The following WIPF2 variants were observed in gnomAD, a reference collection of about 807,000 sequenced individuals.
The protein encoded by WIPF2 is WAS/WASL interacting protein family member 2, also known as WAS/WASL-interacting protein family member 2.
Under a neutral mutation model 38.8 loss-of-function variants are expected in WIPF2, and 23 were observed. The ratio of observed to expected loss-of-function variants is 0.59; its 90% CI spans 0.43 to 0.84. The LOEUF (loss-of-function observed/expected upper bound fraction) is 0.84, where lower values mean the gene tolerates loss of function less well. Among genes scored for constraint, WIPF2 ranks in the 40% least tolerant of loss-of-function variants. The pLI is 0.00. For synonymous variants in WIPF2, 210 were observed against 223.2 expected, an observed-to-expected ratio of 0.94 and a Z score of 0.53; for missense variants, 574 against 580.5, an observed-to-expected ratio of 0.99 and a Z score of 0.11.
At chr17:40,254,708 G>A (rs753022508) in intron 1 of WIPF2, among the ~76,000 whole-genome samples, 2 of 151,852 alleles carry the variant, frequency 1.3e-5, no homozygotes, top group South Asian at 2.1e-4. Context: ...GCCTGTTTTT[G>A]TATGGCCCAT....
chr17:40,235,359 G>C (rs1210746052), intron 1 of WIPF2, among the ~76,000 whole-genome samples: 1 of 152,108 alleles, frequency 6.6e-6, no homozygotes, highest in Admixed American at 6.6e-5. Context: ...TGTATCATTC[G>C]ATTACCTTTA....
chr17:40,235,407 C>T (rs1397917813), intron 1 of WIPF2, among the ~76,000 whole-genome samples: 5 of 152,028 alleles, frequency 3.3e-5, no homozygotes, highest in East Asian at 3.9e-4. Context: ...TAGTAATTGT[C>T]ATTCTTTTCC....
At chr17:40,271,738 A>C (rs2032253861) in intron 5 of WIPF2, among the ~76,000 whole-genome samples, 1 of 152,212 alleles carries the variant, frequency 6.6e-6, no homozygotes, top group African/African-American at 2.4e-5. Context: ...AATATTACAT[A>C]CTTCGCATGT....
intron 2 of WIPF2, among the ~76,000 whole-genome samples, chr17:40,259,866 A>G (rs1481030897): frequency 1.3e-5 from 2 of 152,214 alleles, no homozygotes; most frequent in African/African-American, 2.4e-5. Context: ...CACAGTGCCT[A>G]AGTCATAGTA....
chr17:40,260,747 T>C (rs758728975), intron 3 of WIPF2, 80 bp downstream of exon 3: 11 of 1,594,102 alleles, frequency 6.9e-6, no homozygotes, highest in East Asian at 2.2e-5. Flanking sequence ...CTTATTTTTA[T>C]TGGGCCTTGA....
chr17:40,260,179 CTTTTTTTTTTTT>C (rs34757828), intron 2 of WIPF2, among the ~76,000 whole-genome samples: 2 of 101,048 alleles, frequency 2.0e-5, no homozygotes, highest in African/African-American at 3.8e-5. Context: ...ATAAAGGGAA[CTTTTTTTTTTTT>C]TTTTTTTTTT....
intron 1 of WIPF2, among the ~76,000 whole-genome samples, chr17:40,220,197 G>A (rs1410407623): frequency 1.3e-5 from 2 of 151,274 alleles, no homozygotes; most frequent in African/African-American, 2.4e-5. Context: ...GACTAGTCTT[G>A]AACTCCTGGG....
intron 1 of WIPF2, among the ~76,000 whole-genome samples, chr17:40,239,046 TTTTA>T (rs57564513): frequency 0.015 from 2,024 of 138,786 alleles, 21 homozygotes; most frequent in African/African-American, 0.033. Flanking sequence ...GTTTATTTTA[TTTTA>T]TTTATTTATT....
chr17:40,260,499 T>A, intron 2 of WIPF2, 36 bp from the exon 3 acceptor site: 2 of 1,608,460 alleles, frequency 1.2e-6, no homozygotes, highest in South Asian at 1.1e-5. Context: ...TAAAGGGAAC[T>A]CTTTAGGGTG....
chr17:40,261,035 TAAAAAA>T (rs34087528), intron 3 of WIPF2, among the ~76,000 whole-genome samples: 2 of 93,572 alleles, frequency 2.1e-5, no homozygotes, highest in Admixed American at 2.3e-4. Flanking sequence ...CTCAAAAAGG[TAAAAAA>T]AAAAAAAAAA....
At chr17:40,257,742 C>CA (rs397857008) in intron 2 of WIPF2, among the ~76,000 whole-genome samples, 28,947 of 89,530 alleles carry the variant, frequency 0.32, 5,095 homozygotes, top group African/African-American at 0.57. Context: ...GGCTCCATCT[C>CA]AAAAAAAAAA....
chr17:40,267,449 T>C (rs2032122184), intron 5 of WIPF2, among the ~76,000 whole-genome samples: 1 of 152,198 alleles, frequency 6.6e-6, no homozygotes, highest in Non-Finnish European at 1.5e-5. Flanking sequence ...TGGGGCCTTA[T>C]TGGACATGGG....
At chr17:40,270,307 AGTAAGCCGAGATCGT>A (rs2032209923) in intron 5 of WIPF2, among the ~76,000 whole-genome samples, 2 of 150,552 alleles carry the variant, frequency 1.3e-5, no homozygotes, top group Non-Finnish European at 3.0e-5. Context: ...CGGAGCTTGC[AGTAAGCCGAGATCGT>A]GCCACTGTAC....
At chr17:40,239,524 T>C (rs1461468282) in intron 1 of WIPF2, among the ~76,000 whole-genome samples, 4 of 151,966 alleles carry the variant, frequency 2.6e-5, no homozygotes, top group Non-Finnish European at 5.9e-5. Context: ...GGCAGGTGTT[T>C]GAGTGTAAGT....
intron 1 of WIPF2, among the ~76,000 whole-genome samples, chr17:40,252,563 T>C (rs2031592242): frequency 6.6e-6 from 1 of 151,454 alleles, no homozygotes; most frequent in African/African-American, 2.4e-5. Context: ...GTTTGGGAGG[T>C]TGAGGCAGGA....
intron 1 of WIPF2, among the ~76,000 whole-genome samples, chr17:40,221,440 T>C (rs1013703569): frequency 1.3e-5 from 2 of 151,966 alleles, no homozygotes; most frequent in African/African-American, 4.8e-5. Context: ...GATTGAGATA[T>C]TGATATTTAA....
intron 5 of WIPF2, among the ~76,000 whole-genome samples, chr17:40,270,426 A>G (rs1217455098): frequency 6.6e-6 from 1 of 151,316 alleles, no homozygotes; most frequent in African/African-American, 2.4e-5. Flanking sequence ...AGCTTATTGG[A>G]GACAGCAGAA....
At chr17:40,267,583 A>G (rs1367585070) in intron 5 of WIPF2, among the ~76,000 whole-genome samples, 1 of 152,184 alleles carries the variant, frequency 6.6e-6, no homozygotes, top group African/African-American at 2.4e-5. Flanking sequence ...TCTTTCGCCC[A>G]GGCTGGAGTG....
At chr17:40,234,832 A>G (rs1341923558) in intron 1 of WIPF2, among the ~76,000 whole-genome samples, 3 of 152,146 alleles carry the variant, frequency 2.0e-5, no homozygotes, top group African/African-American at 7.2e-5. Flanking sequence ...CATGTCTGCC[A>G]TCTGTCCGAG....
Sources: gnomAD v4.1 joint callset for allele counts (sites outside exome capture counted in the v4.1 genomes callset) on GRCh38, gnomAD v4.1.1 for gene constraint, MANE v1.5 for transcripts, NCBI Gene and HGNC (gene_info 2026-07-23, HGNC 2026-07-21) for gene names.